The following C5orf63 variants were observed in gnomAD, a reference collection of about 807,000 sequenced individuals.
C5orf63 encodes glutaredoxin-like protein C5orf63.
A neutral mutation model predicts 13.3 loss-of-function variants in C5orf63; 18 were observed. The ratio of observed to expected loss-of-function variants is 1.36; its 90% CI spans 0.94 to 2.01. The LOEUF is 2.01. C5orf63 is among the 30% of genes most tolerant of loss of function. The pLI is 0.00. For synonymous variants in C5orf63, 38 were observed against 44.7 expected, an observed-to-expected ratio of 0.85 and a Z score of 0.60; for missense variants, 118 against 127.7, an observed-to-expected ratio of 0.92 and a Z score of 0.36.
intron 4 of C5orf63, 34 bp downstream of exon 4, chr5:127,052,579 C>T: frequency 7.4e-7 from 1 of 1,359,616 alleles, no homozygotes; most frequent in Non-Finnish European, 9.6e-7. Flanking sequence ...AATATGCAAT[C>T]CATATACATA....
chr5:127,051,997 T>A, intron 4 of C5orf63, 50 bp from the exon 5 acceptor site: 1 of 1,356,084 alleles, frequency 7.4e-7, no homozygotes, highest in Non-Finnish European at 9.6e-7. Flanking sequence ...TGGGGTGATG[T>A]AACAACTGCA....
chr5:127,060,878 T>C (rs1754077495), intron 2 of C5orf63, among the ~76,000 whole-genome samples: 1 of 152,172 alleles, frequency 6.6e-6, no homozygotes, highest in Non-Finnish European at 1.5e-5. Context: ...CCCTTTACTA[T>C]CAAAAATTAT....
At chr5:127,047,022 C>T (rs1003491674), downstream of C5orf63, 3 of 152,272 alleles carry the variant, frequency 2.0e-5, no homozygotes, top group Admixed American at 2.0e-4. Context: ...GAGATTGCTG[C>T]ATTATTTAAA....
downstream of C5orf63, chr5:127,047,672 ACT>A (rs760392424): frequency 1.4e-6 from 1 of 699,916 alleles, no homozygotes; most frequent in Non-Finnish European, 2.6e-6. Flanking sequence ...TGAATTTTTC[ACT>A]GTTTAGGATA....
chr5:127,057,028 T>C (rs1436760239), intron 3 of C5orf63, among the ~76,000 whole-genome samples: 1 of 152,182 alleles, frequency 6.6e-6, no homozygotes, highest in Non-Finnish European at 1.5e-5. Flanking sequence ...TATAAACTGC[T>C]GCCCAAACCG....
At chr5:127,046,923 TGAGAAGG>T (rs1186427499), downstream of C5orf63, 1 of 152,230 alleles carries the variant, frequency 6.6e-6, no homozygotes, top group Non-Finnish European at 1.5e-5. Context: ...CAAGGCACTG[TGAGAAGG>T]GTGATGTTTC....
chr5:127,068,743 A>G (rs1438128542), intron 2 of C5orf63, among the ~76,000 whole-genome samples: 1 of 152,182 alleles, frequency 6.6e-6, no homozygotes, highest in Non-Finnish European at 1.5e-5. Flanking sequence ...TTTCCAGATC[A>G]TTGCTTTGGA....
chr5:127,072,262 T>C (rs1754572998), intron 1 of C5orf63, among the ~76,000 whole-genome samples: 1 of 152,242 alleles, frequency 6.6e-6, no homozygotes, highest in Admixed American at 6.5e-5. Flanking sequence ...CATGATTAGT[T>C]CTGCTTTGCC....
At chr5:127,063,636 G>C (rs1385180915) in intron 2 of C5orf63, among the ~76,000 whole-genome samples, 1 of 152,146 alleles carries the variant, frequency 6.6e-6, no homozygotes, top group African/African-American at 2.4e-5. Context: ...GTCTACATCA[G>C]CCCAGGTACT....
chr5:127,057,337 T>A (rs1488391691), intron 3 of C5orf63, among the ~76,000 whole-genome samples: 2 of 152,240 alleles, frequency 1.3e-5, no homozygotes. Flanking sequence ...AGAGATCTTT[T>A]TTGTTTGAAT....
chr5:127,066,799 T>C (rs1180006726), intron 2 of C5orf63, among the ~76,000 whole-genome samples: 7 of 151,552 alleles, frequency 4.6e-5, no homozygotes, highest in Non-Finnish European at 1.0e-4. Flanking sequence ...GGGCCCAGGA[T>C]AGATCTCTGA....
At chr5:127,064,015 C>T (rs548103790) in intron 2 of C5orf63, among the ~76,000 whole-genome samples, 4 of 152,220 alleles carry the variant, frequency 2.6e-5, no homozygotes, top group South Asian at 2.1e-4. Context: ...ACCAATCCAG[C>T]GAAACAGGGA....
At chr5:127,057,613 C>A (rs1322879549) in intron 3 of C5orf63, among the ~76,000 whole-genome samples, 1 of 152,170 alleles carries the variant, frequency 6.6e-6, no homozygotes, top group Non-Finnish European at 1.5e-5. Context: ...TCCTTGCAAC[C>A]CCCAAGTCAA....
downstream of C5orf63, among the ~76,000 whole-genome samples, chr5:127,050,244 T>C (rs1753627569): frequency 6.6e-6 from 1 of 152,218 alleles, no homozygotes; most frequent in South Asian, 2.1e-4. Context: ...TATCCTAGAA[T>C]TCTGCCCACC....
At chr5:127,058,334 C>T (rs192592423) in intron 3 of C5orf63, among the ~76,000 whole-genome samples, 33 of 152,250 alleles carry the variant, frequency 2.2e-4, no homozygotes, top group African/African-American at 6.5e-4. Flanking sequence ...GGATAATGGC[C>T]TCTAACTGCA....
chr5:127,052,494 A>G, intron 4 of C5orf63, 119 bp downstream of exon 4: 1 of 730,514 alleles, frequency 1.4e-6, no homozygotes, highest in Non-Finnish European at 1.9e-6. Flanking sequence ...AAGAACAGAA[A>G]GAAAATTTAA....
intron 2 of C5orf63, among the ~76,000 whole-genome samples, chr5:127,061,342 A>AT (rs1276479041): frequency 1.4e-4 from 21 of 152,334 alleles, no homozygotes; most frequent in Admixed American, 2.6e-4. Context: ...CCACCAACCC[A>AT]TATCATGCTA....
intron 2 of C5orf63, among the ~76,000 whole-genome samples, chr5:127,064,052 T>C (rs1317781128): frequency 6.6e-6 from 1 of 152,174 alleles, no homozygotes; most frequent in East Asian, 1.9e-4. Context: ...AGTGTGCCTC[T>C]GTGCTTTTGG....
Position 127,051,865 on chromosome 5 carries a change from T to G in C5orf63, c.254A>C (p.His85Pro), listed in dbSNP as rs1225621730. Reference sequence around the variant, plus strand: ...CATCATCAGAAACTGGCCATTCAAGTGAAAGACAGGAATATCAAATTTATA... The same window carrying G: ...CATCATCAGAAACTGGCCATTCAAGGGAAAGACAGGAATATCAAATTTATA... ...ERYKFDIPVF[H>P]LNGQFLMMHR... The change falls in exon 5 of 5, where the codon CAC becomes CCC. Residue 85 changes from histidine (H) to proline (P), a missense_variant. By Grantham distance (77) the His-to-Pro change is moderately conservative (BLOSUM62 -2). Coordinates refer to ENST00000296662, the MANE Select transcript of C5orf63 (RefSeq NM_001164478.2). The G allele has an allele frequency of 6.5e-7, 1 of 1,535,852 alleles. No individual in the cohort carries two copies. The highest frequency in any genetic ancestry group is 8.7e-7 in the Non-Finnish European group (1 of 1,146,360).
Sources: allele counts gnomAD v4.1 joint callset (sites outside exome capture counted in the v4.1 genomes callset), GRCh38; gene constraint gnomAD v4.1.1; transcripts MANE v1.5; gene names NCBI Gene and HGNC (gene_info 2026-07-23, HGNC 2026-07-21).